KAZN: variants seen among roughly 807,000 people sequenced by gnomAD.
KAZN encodes kazrin, periplakin interacting protein, also known as kazrin.
Under a neutral mutation model 87.4 loss-of-function variants are expected in KAZN, and 40 were observed. That is an observed-to-expected ratio of 0.46 (90% CI 0.36 to 0.60). KAZN has a LOEUF of 0.60. KAZN is among the 20% of genes least tolerant of loss of function. KAZN has a pLI of 0.00. For synonymous variants in KAZN, 466 were observed against 458.3 expected (o/e 1.02, Z -0.22); for missense variants, 898 against 1,073.9 (o/e 0.84, Z 2.29).
At chr1:14,000,932 G>A (rs1247131218) in intron 1 of KAZN, among the ~76,000 whole-genome samples, 5 of 151,732 alleles carry the variant, frequency 3.3e-5, no homozygotes, top group African/African-American at 9.7e-5. Flanking sequence ...ACAGGCGCCC[G>A]CCACTACGCC....
intron 1 of KAZN, among the ~76,000 whole-genome samples, chr1:14,850,944 T>C (rs946015580): frequency 1.3e-5 from 2 of 152,228 alleles, no homozygotes; most frequent in African/African-American, 4.8e-5. Context: ...TCCGAGGGCC[T>C]GCTCACAGTA....
intron 8 of KAZN, among the ~76,000 whole-genome samples, chr1:15,068,561 C>T (rs1443181797): frequency 6.6e-6 from 1 of 152,030 alleles, no homozygotes; most frequent in Non-Finnish European, 1.5e-5. Flanking sequence ...CTCTGCGCGT[C>T]CCACGATCCC....
At position 14,898,868 on chromosome 1, in the gene KAZN, C is replaced by G. The variant is rs1655550031; in HGVS notation, c.227-61816C>G. Among the ~76,000 whole-genome samples the G allele has an allele frequency of 2.0e-5, 3 of 152,296 alleles. No homozygotes were observed. The South Asian group carries it at 6.2e-4, about 32-fold the overall frequency. ...TGGCCCTCTACCTTGTCCCTATAAA[C>G]CATCAAAATGTCCCTGAAGTGCCAA... On this transcript the variant is annotated intron_variant, in intron 1 of 14. Transcript: ENST00000376030.
chr1:14,728,643 C>T (rs575844859), intron 1 of KAZN, among the ~76,000 whole-genome samples: 3 of 152,292 alleles, frequency 2.0e-5, no homozygotes, highest in South Asian at 2.1e-4. Context: ...CACTTGGCTT[C>T]CCGTATTGGA....
At chr1:14,881,008 G>A (rs941533129) in intron 1 of KAZN, among the ~76,000 whole-genome samples, 16 of 152,202 alleles carry the variant, frequency 1.1e-4, no homozygotes, top group Non-Finnish European at 2.2e-4. Context: ...GTAAGAAAAC[G>A]AATGACAGTC....
At chr1:15,087,399 C>CCTT (rs398102463) in intron 8 of KAZN, among the ~76,000 whole-genome samples, 4 of 108,368 alleles carry the variant, frequency 3.7e-5, no homozygotes, top group East Asian at 2.9e-4. Flanking sequence ...GCACTTTTTT[C>CCTT]TTTTTTTTTT....
At chr1:14,960,901 C>A (rs778434845) in intron 2 of KAZN, 26 bp downstream of exon 2, 1 of 1,585,446 alleles carries the variant, frequency 6.3e-7, no homozygotes, top group Non-Finnish European at 8.6e-7. Flanking sequence ...GCAGCAGTTC[C>A]TTCGCTGGGA....
chr1:15,101,164 T>TCTCTCTCTC (rs1553190085), intron 10 of KAZN, among the ~76,000 whole-genome samples: 9 of 127,768 alleles, frequency 7.0e-5, no homozygotes, highest in African/African-American at 2.2e-4. Flanking sequence ...GTCTCGGTCT[T>TCTCTCTCTC]TCTCTCTCTC....
intron 1 of KAZN, among the ~76,000 whole-genome samples, chr1:14,064,795 G>A (rs1642943252): frequency 6.6e-6 from 1 of 152,140 alleles, no homozygotes; most frequent in Non-Finnish European, 1.5e-5. Flanking sequence ...CTCCCTCCCC[G>A]CTGCTCGGTG....
At chr1:14,177,796 T>TG (rs1557539648) in intron 1 of KAZN, among the ~76,000 whole-genome samples, 21 of 98,356 alleles carry the variant, frequency 2.1e-4, no homozygotes, top group East Asian at 2.0e-3. Flanking sequence ...GTGTGTGTGT[T>TG]TTTTTTTTTT....
intron 1 of KAZN, among the ~76,000 whole-genome samples, chr1:14,001,837 T>C (rs1639806300): frequency 1.3e-5 from 2 of 152,154 alleles, no homozygotes; most frequent in African/African-American, 2.4e-5. Context: ...TTATACCTTA[T>C]ACAAAAATTA....
At chr1:14,916,295 G>A (rs1373425629) in intron 1 of KAZN, among the ~76,000 whole-genome samples, 2 of 147,566 alleles carry the variant, frequency 1.4e-5, no homozygotes, top group Non-Finnish European at 3.0e-5. Context: ...TCAGCCTCCC[G>A]AGCAGCTGGG....
chr1:14,088,998 TA>T (rs529935914), intron 1 of KAZN, among the ~76,000 whole-genome samples: 50 of 146,108 alleles, frequency 3.4e-4, no homozygotes, highest in Non-Finnish European at 2.6e-4. Flanking sequence ...TACCATTTTC[TA>T]AAAAAAAAAA....
In KAZN at chr1:14,723,485, G is replaced by C. The variant is rs562511808; in HGVS notation, c.226+124262G>C. Among the ~76,000 whole-genome samples, 6 of 152,352 alleles carry C rather than the reference G, an allele frequency of 3.9e-5. No individual in the cohort carries two copies. In the East Asian group the frequency reaches 1.2e-3, roughly 29 times the overall value. ...CCTGTGGCCTCATCGAGACTCATGAGTTTAACACGAGGGAGCAGTACAAAG... is the reference window on the plus strand; with the variant it reads ...CCTGTGGCCTCATCGAGACTCATGACTTTAACACGAGGGAGCAGTACAAAG... On this transcript the variant is annotated intron_variant, in intron 1 of 14. Coordinates refer to ENST00000376030, the MANE Select transcript of KAZN (RefSeq NM_201628.3).
At chr1:14,203,888 A>AAACG (rs1646689263) in intron 2 of KAZN, among the ~76,000 whole-genome samples, 1 of 152,216 alleles carries the variant, frequency 6.6e-6, no homozygotes, top group Non-Finnish European at 1.5e-5. Flanking sequence ...AGCTGCCATT[A>AAACG]TGGTCAGCCT....
chr1:14,484,187 CA>C, intron 2 of KAZN, among the ~76,000 whole-genome samples: 1 of 152,280 alleles, frequency 6.6e-6, no homozygotes, highest in Non-Finnish European at 1.5e-5. Flanking sequence ...AGTTTGAAAT[CA>C]GGTAATGTGT....
At chr1:13,943,792 C>T (rs1641031050) in intron 1 of KAZN, among the ~76,000 whole-genome samples, 1 of 152,148 alleles carries the variant, frequency 6.6e-6, no homozygotes, top group Admixed American at 6.5e-5. Flanking sequence ...AGATACTCAA[C>T]AGCATTAGTC....
chr1:14,330,169 A>G lies in KAZN; in HGVS notation c.249+149577A>G, dbSNP rs529196872. ...GGCACTGGGAGGCAAAGGGAACCCA[A>G]CTGCAGAACTGGACATTTTGTTGGG... On this transcript the variant is annotated intron_variant, in intron 2 of 16. Coordinates refer to the KAZN transcript ENST00000636203. 3.5e-4 allele frequency among the ~76,000 whole-genome samples: 53 copies of G among 152,316 alleles called. No homozygotes were observed. The South Asian group carries it at 0.011, about 32-fold the overall frequency.
At chr1:14,859,903 G>A (rs182261115) in intron 1 of KAZN, among the ~76,000 whole-genome samples, 41 of 152,198 alleles carry the variant, frequency 2.7e-4, no homozygotes, top group Admixed American at 4.6e-4. Flanking sequence ...ATGAAGCCAC[G>A]CCTGGATTTC....
Sources: gnomAD v4.1 joint callset for allele counts (sites outside exome capture counted in the v4.1 genomes callset) on GRCh38, gnomAD v4.1.1 for gene constraint, MANE v1.5 for transcripts, NCBI Gene and HGNC (gene_info 2026-07-23, HGNC 2026-07-21) for gene names.